ZFPM1: variants seen among roughly 807,000 people sequenced by gnomAD.
ZFPM1 encodes the protein zinc finger protein ZFPM1.
A neutral mutation model predicts 46.3 loss-of-function variants in ZFPM1; 28 were observed. The observed-to-expected ratio is 0.60, with a 90% CI of 0.45 to 0.83. ZFPM1 has a LOEUF of 0.83. ZFPM1 is among the 40% of genes least tolerant of loss of function. ZFPM1 has a pLI of 0.00. For missense variants in ZFPM1, 1,878 were observed against 1,432.4 expected (o/e 1.31, Z -5.02); for synonymous variants, 957 against 675.9 (o/e 1.42, Z -6.45).
At chr16:88,521,177 C>T (rs1184387939) in intron 4 of ZFPM1, among the ~76,000 whole-genome samples, 2 of 151,668 alleles carry the variant, frequency 1.3e-5, no homozygotes, top group Non-Finnish European at 2.9e-5. Context: ...TGTTCCCTCC[C>T]CCATGCCGTT....
chr16:88,532,542 T>A, intron 7 of ZFPM1, 72 bp from the exon 8 acceptor site: 3 of 1,469,776 alleles, frequency 2.0e-6, no homozygotes, highest in African/African-American at 1.4e-5. Flanking sequence ...CTGGGCCCAG[T>A]CGCCTTCCTC....
intron 1 of ZFPM1, among the ~76,000 whole-genome samples, chr16:88,463,079 C>A (rs1213420147): frequency 6.6e-6 from 1 of 152,260 alleles, no homozygotes; most frequent in African/African-American, 2.4e-5. Flanking sequence ...ATCACCGCCT[C>A]CTGCCCCAAC....
At chr16:88,491,917 C>T (rs950621089) in intron 3 of ZFPM1, among the ~76,000 whole-genome samples, 2 of 152,132 alleles carry the variant, frequency 1.3e-5, no homozygotes, top group Non-Finnish European at 2.9e-5. Context: ...GCGGCCCGTG[C>T]GTCGATGGCC....
chr16:88,514,631 A>G (rs552236187), intron 4 of ZFPM1, 111 bp downstream of exon 4: 3 of 1,346,898 alleles, frequency 2.2e-6, no homozygotes, highest in Non-Finnish European at 3.0e-6. Context: ...CCACTTGAAG[A>G]TGTGGGCCTG....
chr16:88,523,154 C>T (rs11647454), intron 4 of ZFPM1, among the ~76,000 whole-genome samples: 18,653 of 149,782 alleles, frequency 0.12, 1,360 homozygotes, highest in East Asian at 0.33. Context: ...TGCAGTGAGC[C>T]GAGATCATGC....
At chr16:88,460,175 C>T (rs899523746) in intron 1 of ZFPM1, among the ~76,000 whole-genome samples, 2 of 152,172 alleles carry the variant, frequency 1.3e-5, no homozygotes, top group Admixed American at 6.5e-5. Context: ...CCTCCCCACC[C>T]GGCTCTGGGA....
At chr16:88,532,353 G>A (rs1912855813) in intron 7 of ZFPM1, 118 bp downstream of exon 7, 2 of 1,101,336 alleles carry the variant, frequency 1.8e-6, no homozygotes, top group South Asian at 1.6e-5. Flanking sequence ...TCACCTGCGC[G>A]GTCTCCGGCA....
In ZFPM1 at chr16:88,453,549, C is replaced by A; in HGVS notation, c.-90C>A. The A allele has an allele frequency of 4.7e-6, 3 of 639,048 alleles. No homozygotes were observed. The highest frequency in any genetic ancestry group is 5.8e-6 in the Non-Finnish European group (3 of 517,020). The allele number at this position is 639,048 out of a possible 1,614,324, so 39.6% of individuals were successfully genotyped here. On this transcript the variant is annotated 5_prime_UTR_variant, in exon 1 of 10. Coordinates refer to ENST00000319555, the MANE Select transcript of ZFPM1 (RefSeq NM_153813.3). ...GGAGACCGGGGGCCGGGGGCATGAGCGGCCCCGCGGCCCCGCCGCGCCCCC... is the reference window on the plus strand; with the variant it reads ...GGAGACCGGGGGCCGGGGGCATGAGAGGCCCCGCGGCCCCGCCGCGCCCCC...
intron 4 of ZFPM1, among the ~76,000 whole-genome samples, chr16:88,519,847 AT>A (rs1911686349): frequency 1.3e-5 from 2 of 149,676 alleles, no homozygotes; most frequent in Non-Finnish European, 3.0e-5. Flanking sequence ...TGGTGGGTAG[AT>A]GGATGTGTGG....
In ZFPM1 at chr16:88,532,852, C is replaced by A; in HGVS notation, c.1106C>A (p.Thr369Asn). The change falls in exon 9 of 10, where the codon ACC becomes AAC. Residue 369 changes from threonine (T) to asparagine (N), a missense_variant. Thr to Asn is a moderately conservative substitution (Grantham distance 65, BLOSUM62 0). Transcript: ENST00000319555. Reference protein sequence around the residue: ...TRDILYSHLVTNHMVCQPGSK... With the variant: ...TRDILYSHLVNNHMVCQPGSK... Reference sequence around the variant, plus strand: ...GACATCCTCTACAGCCACTTGGTCACCAACCACATGGTCTGCCAGCCTGGC... The same window carrying A: ...GACATCCTCTACAGCCACTTGGTCAACAACCACATGGTCTGCCAGCCTGGC... 6.2e-7 allele frequency: 1 copy of A among 1,613,522 alleles called. No individual in the cohort carries two copies. The highest frequency in any genetic ancestry group is 8.5e-7 in the Non-Finnish European group (1 of 1,179,974).
chr16:88,523,581 C>T lies in ZFPM1; in HGVS notation c.403-3233C>T, dbSNP rs368736050. On this transcript the variant is annotated intron_variant, in intron 4 of 9. Coordinates refer to ENST00000319555, the MANE Select transcript of ZFPM1 (RefSeq NM_153813.3). ...GGCTGGGGACCCTGGTGGCCCCAGGCGAGGCTGTGCTCACCTGTCCCCTGA... is the reference window on the plus strand; with the variant it reads ...GGCTGGGGACCCTGGTGGCCCCAGGTGAGGCTGTGCTCACCTGTCCCCTGA... 1.3e-3 allele frequency among the ~76,000 whole-genome samples: 199 copies of T among 152,304 alleles called. 2 individuals are homozygous for T. The highest frequency in any genetic ancestry group is 6.4e-3 in the South Asian group (31 of 4,826).
At chr16:88,473,542 T>G (rs1908523056) in intron 1 of ZFPM1, among the ~76,000 whole-genome samples, 1 of 152,016 alleles carries the variant, frequency 6.6e-6, no homozygotes, top group African/African-American at 2.4e-5. Flanking sequence ...GCCCCACTTC[T>G]CCCATGGCCG....
chr16:88,515,979 T>C (rs1911271549), intron 4 of ZFPM1: 4 of 396,154 alleles, frequency 1.0e-5, no homozygotes, highest in African/African-American at 2.1e-5. Context: ...AGAAAACCCA[T>C]AGGTAGAGAC....
At chr16:88,527,358 G>A (rs930659755) in intron 5 of ZFPM1, among the ~76,000 whole-genome samples, 16 of 152,314 alleles carry the variant, frequency 1.1e-4, no homozygotes, top group African/African-American at 3.1e-4. Context: ...CCAGGAAGTC[G>A]AGGGGCCTTG....
At chr16:88,501,339 CCCTCCCG>C (rs1910291588) in intron 3 of ZFPM1, among the ~76,000 whole-genome samples, 1 of 108,418 alleles carries the variant, frequency 9.2e-6, no homozygotes, top group Admixed American at 9.7e-5. Flanking sequence ...GGGTGCGGGG[CCCTCCCG>C]CAGGTGCTGG....
chr16:88,526,734 G>C (rs1199946972), intron 4 of ZFPM1, 80 bp from the exon 5 acceptor site: 3 of 1,458,780 alleles, frequency 2.1e-6, no homozygotes, highest in South Asian at 1.3e-5. Flanking sequence ...CCGTGTCACA[G>C]ATGCCCCACA....
In ZFPM1 at chr16:88,489,311, C is replaced by T. The variant is rs564119473; in HGVS notation, c.268+158C>T. On this transcript the variant is annotated intron_variant, in intron 3 of 9. Transcript: ENST00000319555. ...TAGTCCAAAGCTCAGCCAACCCGTG[C>T]AGCTGGTGGTATCACTGGAGCTTGG... 2.6e-4 allele frequency: 308 copies of T among 1,197,578 alleles called. 2 individuals are homozygous for T. In the African/African-American group the frequency reaches 4.2e-3, roughly 17 times the overall value. The allele number at this position is 1,197,578 out of a possible 1,614,324, so 74.2% of individuals were successfully genotyped here. A position where few individuals can be genotyped will look rare whatever the true frequency, so the allele number is the denominator to read the frequency against.
intron 1 of ZFPM1, among the ~76,000 whole-genome samples, chr16:88,457,993 A>G (rs1229157080): frequency 6.6e-6 from 1 of 152,230 alleles, no homozygotes; most frequent in African/African-American, 2.4e-5. Flanking sequence ...AATAATATTC[A>G]TAACAGCCAA....
Position 88,535,387 on chromosome 16 carries a change from C to T in ZFPM1, c.*408C>T, listed in dbSNP as rs764842003. ...GCTCTGGGCCTACCCCACCCCAGCC[C>T]TGTCCATACCCCCCTAGGGAGAGCA... On this transcript the variant is annotated 3_prime_UTR_variant, in exon 10 of 10. Transcript: ENST00000319555. The T allele has an allele frequency of 4.7e-4, 75 of 158,680 alleles. No homozygotes were observed. Among genetic ancestry groups the T allele is most frequent in the Non-Finnish European group, 7.3e-4 (53 of 72,530 alleles). 9.8% of individuals were successfully genotyped at this position (158,680 alleles called of 1,614,324 possible). A position where few individuals can be genotyped will look rare whatever the true frequency, so the allele number is the denominator to read the frequency against.
Sources: allele counts gnomAD v4.1 joint callset (sites outside exome capture counted in the v4.1 genomes callset), GRCh38; gene constraint gnomAD v4.1.1; transcripts MANE v1.5; gene names NCBI Gene and HGNC (gene_info 2026-07-23, HGNC 2026-07-21).